Variants in EFR3B observed in about 807,000 individuals in gnomAD.
EFR3B encodes protein EFR3 homolog B.
EFR3B carries 64 observed loss-of-function variants against 104.7 expected under a neutral mutation model. The observed-to-expected ratio is 0.61, with a 90% confidence interval of 0.50 to 0.75. The LOEUF (loss-of-function observed/expected upper bound fraction) is 0.75. Ranked by LOEUF, EFR3B falls within the 30% of genes least tolerant of loss-of-function variation. The pLI, the probability that EFR3B is intolerant of heterozygous loss-of-function variation, is 0.00. For missense variants in EFR3B, 750 were observed against 1,078.5 expected (o/e 0.70, Z 4.27); for synonymous variants, 385 against 417.9 (o/e 0.92, Z 0.96).
At chr2:25,072,053 GCCTT>G (rs1668512781) in intron 1 of EFR3B, among the ~76,000 whole-genome samples, 1 of 152,236 alleles carries the variant, frequency 6.6e-6, no homozygotes, top group African/African-American at 2.4e-5. Flanking sequence ...ATTGGTGCCA[GCCTT>G]CCTTAGTGGT....
chr2:25,131,406 C>G lies in EFR3B; in HGVS notation c.888C>G (p.Gly296=). ...HSHLVIQQLL[G]HLDANSRSAA... ...ACCTGGTCATCCAGCAGCTCCTGGGCCACCTGGACGCCAACAGCCGCAGCG... is the reference window on the plus strand; with the variant it reads ...ACCTGGTCATCCAGCAGCTCCTGGGGCACCTGGACGCCAACAGCCGCAGCG... Residue 296 remains glycine (G), a synonymous_variant, in exon 9 of 23, where the codon GGC becomes GGG. Transcript: ENST00000403714. This position sits in a 1 kb window ranked among gnomAD's most constrained non-coding sequence, Gnocchi z 7.6. The G allele has an allele frequency of 1.9e-6, 3 of 1,550,942 alleles. No individual in the cohort carries two copies. The highest frequency in any genetic ancestry group is 2.6e-6 in the Non-Finnish European group (3 of 1,146,866).
intron 1 of EFR3B, among the ~76,000 whole-genome samples, chr2:25,051,019 C>T (rs1449748606): frequency 1.3e-5 from 2 of 152,182 alleles, no homozygotes; most frequent in Non-Finnish European, 2.9e-5. Context: ...TGATTCCCCT[C>T]GGTGAAATTG....
At position 25,137,818 on chromosome 2, in the gene EFR3B, C is replaced by G. The variant is rs1670560145; in HGVS notation, c.1722+316C>G. Among the ~76,000 whole-genome samples the G allele has an allele frequency of 6.6e-6, 1 of 152,172 alleles. No individual in the cohort carries two copies. The highest frequency in any genetic ancestry group is 1.5e-5 in the Non-Finnish European group (1 of 68,034). ...GAGTCTGAGTGAGACTCCAGGGATT[C>G]TTAAAAGGATGCTCATAAGCCCTGA... On this transcript the variant is annotated intron_variant, in intron 15 of 22. Coordinates refer to ENST00000403714, the MANE Select transcript of EFR3B (RefSeq NM_014971.2). The surrounding 1 kb of genome is among the most constrained non-coding windows in gnomAD (Gnocchi z 4.7).
At chr2:25,090,207 A>C (rs544761947) in intron 1 of EFR3B, among the ~76,000 whole-genome samples, 83 of 152,344 alleles carry the variant, frequency 5.4e-4, no homozygotes, top group African/African-American at 1.9e-3. Context: ...AGGGGTGCTT[A>C]CTGGGCGGGA....
intron 20 of EFR3B, 76 bp downstream of exon 20, chr2:25,149,818 C>T: frequency 7.7e-7 from 1 of 1,304,790 alleles, no homozygotes; most frequent in South Asian, 1.3e-5. Flanking sequence ...GCAGATGCAG[C>T]AGGACACACC....
chr2:25,130,220 G>C lies in EFR3B; in HGVS notation c.770+111G>C. On this transcript the variant is annotated intron_variant, in intron 7 of 22. Coordinates refer to ENST00000403714, the MANE Select transcript of EFR3B (RefSeq NM_014971.2). The surrounding 1 kb of genome is among the most constrained non-coding windows in gnomAD (Gnocchi z 4.6). ...AAGGGGATATTACAGTTGTGGTGCC[G>C]CAGCCGAGTCGATCCCTTCCCTGTG... The C allele has an allele frequency of 6.9e-7, 1 of 1,455,894 alleles. No individual in the cohort carries two copies. The highest frequency in any genetic ancestry group is 9.3e-7 in the Non-Finnish European group (1 of 1,080,758). 90.2% of individuals were successfully genotyped at this position (1,455,894 alleles called of 1,614,324 possible).
At position 25,131,907 on chromosome 2, in the gene EFR3B, C is replaced by A. The variant is rs763828919; in HGVS notation, c.1143C>A (p.Thr381=). The part of the protein sequence containing the change: ...ERMFQEAVIK[T]VGSFASTLPT... ...TGTTCCAGGAGGCCGTCATCAAGAC[C>A]GTGGGTGCGGCGCGGGGCCGGGCCG... Residue 381 remains threonine (T), a synonymous_variant, in exon 10 of 23, where the codon ACC becomes ACA. Coordinates refer to ENST00000403714, the MANE Select transcript of EFR3B (RefSeq NM_014971.2). The surrounding 1 kb of genome is among the most constrained non-coding windows in gnomAD (Gnocchi z 7.6). 1.3e-4 allele frequency: 169 copies of A among 1,283,630 alleles called. No homozygotes were observed. In the African/African-American group the frequency reaches 2.3e-3, roughly 18 times the overall value. 79.5% of individuals were successfully genotyped at this position (1,283,630 alleles called of 1,614,324 possible). A position where few individuals can be genotyped will look rare whatever the true frequency, so the allele number is the denominator to read the frequency against.
intron 3 of EFR3B, among the ~76,000 whole-genome samples, chr2:25,095,707 C>CA (rs1381210263): frequency 6.6e-6 from 1 of 151,934 alleles, no homozygotes; most frequent in African/African-American, 2.4e-5. Context: ...AAAACAACAA[C>CA]AAAAAAGAAT....
intron 3 of EFR3B, among the ~76,000 whole-genome samples, chr2:25,094,597 A>G (rs1415598679): frequency 6.6e-6 from 1 of 152,212 alleles, no homozygotes; most frequent in African/African-American, 2.4e-5. Context: ...AATTTCCAGT[A>G]TTAACCAATA....
At chr2:25,091,189 G>A (rs964708344) in intron 1 of EFR3B, 136 bp from the exon 2 acceptor site, 1 of 736,720 alleles carries the variant, frequency 1.4e-6, no homozygotes, top group African/African-American at 1.8e-5. Context: ...AAGGCCCCGA[G>A]CCCTCCAAGG....
At chr2:25,092,391 A>C (rs1405716364) in intron 2 of EFR3B, among the ~76,000 whole-genome samples, 1 of 147,518 alleles carries the variant, frequency 6.8e-6, no homozygotes, top group Non-Finnish European at 1.5e-5. Flanking sequence ...ATGATGCTGT[A>C]TCATCCATTC....
chr2:25,155,819 G>T lies in EFR3B; in HGVS notation c.*1479G>T. ...GGAGTCTGCTTTCCAAAGGAGGCAG[G>T]GTGAGTAGATTTCTTGATCCAAAGG... On this transcript the variant is annotated 3_prime_UTR_variant, in exon 23 of 23. Transcript: ENST00000403714. The T allele has an allele frequency of 6.6e-6, 1 of 152,274 alleles. No individual in the cohort carries two copies. The allele number at this position is 152,274 out of a possible 1,614,324, so 9.4% of individuals were successfully genotyped here.
intron 1 of EFR3B, among the ~76,000 whole-genome samples, chr2:25,083,706 G>A (rs1248386407): frequency 6.6e-6 from 1 of 152,174 alleles, no homozygotes; most frequent in Non-Finnish European, 1.5e-5. Flanking sequence ...CAGGAAGTGT[G>A]GAGTATTGCA....
intron 1 of EFR3B, among the ~76,000 whole-genome samples, chr2:25,060,758 A>T (rs1257851193): frequency 2.0e-5 from 3 of 151,978 alleles, no homozygotes; most frequent in Admixed American, 6.6e-5. Flanking sequence ...GTCTCTACTA[A>T]AAATACAAAA....
intron 1 of EFR3B, among the ~76,000 whole-genome samples, chr2:25,053,922 C>A (rs1337014118): frequency 1.3e-5 from 2 of 152,036 alleles, no homozygotes; most frequent in Non-Finnish European, 2.9e-5. Flanking sequence ...CAAACAAAAC[C>A]AAAAAACACA....
intron 1 of EFR3B, chr2:25,081,415 G>A (rs1668802650): frequency 1.6e-6 from 2 of 1,260,276 alleles, no homozygotes; most frequent in South Asian, 1.2e-5. Flanking sequence ...TCTTTCTTCT[G>A]TACCTACTTT....
rs1258817793 is a variant in EFR3B at position 25,042,875 on chromosome 2, A to G, written c.7+556A>G. Among the ~76,000 whole-genome samples the G allele has an allele frequency of 1.3e-5, 2 of 152,128 alleles. No homozygotes were observed. Among genetic ancestry groups the G allele is most frequent in the East Asian group, 1.9e-4 (1 of 5,152 alleles). On this transcript the variant is annotated intron_variant, in intron 1 of 22. Transcript: ENST00000403714. The surrounding 1 kb of genome is among the most constrained non-coding windows in gnomAD (Gnocchi z 5.4). ...CGCCCCGCGGGATCCAGGTTCACCA[A>G]CTTCCAGATTTTCCCTCCGCAGTGA...
At chr2:25,135,956 G>A (rs1381316213) in intron 13 of EFR3B, among the ~76,000 whole-genome samples, 1 of 152,112 alleles carries the variant, frequency 6.6e-6, no homozygotes, top group Non-Finnish European at 1.5e-5. Context: ...GGGGATGCAG[G>A]TTATCAGTAG....
chr2:25,121,602 T>C, intron 4 of EFR3B, 71 bp from the exon 5 acceptor site: 1 of 1,537,520 alleles, frequency 6.5e-7, no homozygotes, highest in South Asian at 1.2e-5. Context: ...GCAGGGGGTC[T>C]GGGGATGCCC....
Sources: gnomAD v4.1 joint callset for allele counts (sites outside exome capture counted in the v4.1 genomes callset) on GRCh38, gnomAD v4.1.1 for gene constraint, Gnocchi (gnomAD v3.1) non-coding constraint, MANE v1.5 for transcripts, NCBI Gene and HGNC (gene_info 2026-07-23, HGNC 2026-07-21) for gene names.